Variants in RAD51B observed in about 807,000 individuals in gnomAD.
RAD51B encodes the protein DNA repair protein RAD51 homolog 2.
Under a neutral mutation model 42.2 loss-of-function variants are expected in RAD51B, and 38 were observed. The observed-to-expected ratio is 0.90, with a 90% CI of 0.70 to 1.18. The LOEUF (loss-of-function observed/expected upper bound fraction) is 1.18, where lower values mean the gene tolerates loss of function less well. Among genes scored for constraint, RAD51B ranks in the 50% most tolerant of loss-of-function variants. RAD51B has a pLI of 0.00. For missense variants in RAD51B, 373 were observed against 400.7 expected (o/e 0.93, Z 0.59); for synonymous variants, 154 against 145.2 (o/e 1.06, Z -0.43).
chr14:68,560,270 A>G (rs896280529), intron 10 of RAD51B, among the ~76,000 whole-genome samples: 1 of 152,082 alleles, frequency 6.6e-6, no homozygotes, highest in African/African-American at 2.4e-5. Flanking sequence ...GGAGAGGCGG[A>G]AAAAAAATTC....
At chr14:68,222,418 A>G (rs1267714939) in intron 7 of RAD51B, among the ~76,000 whole-genome samples, 1 of 152,208 alleles carries the variant, frequency 6.6e-6, no homozygotes, top group East Asian at 1.9e-4. Flanking sequence ...AAGTGAAGTA[A>G]CTCAGGAATG....
At chr14:68,410,443 C>T (rs1322684332) in intron 8 of RAD51B, among the ~76,000 whole-genome samples, 1 of 152,166 alleles carries the variant, frequency 6.6e-6, no homozygotes, top group African/African-American at 2.4e-5. Context: ...GTAGTCTCCT[C>T]ATAGAAAAAA....
At chr14:68,454,630 T>C (rs537323005) in intron 9 of RAD51B, among the ~76,000 whole-genome samples, 37 of 152,310 alleles carry the variant, frequency 2.4e-4, no homozygotes, top group African/African-American at 8.7e-4. Context: ...TCCCAGAGAA[T>C]TGCTATTATT....
intron 9 of RAD51B, among the ~76,000 whole-genome samples, chr14:68,431,536 C>T (rs189007914): frequency 0.051 from 7,812 of 152,174 alleles, 620 homozygotes; most frequent in African/African-American, 0.17. Context: ...AGTTTATTTG[C>T]ACAGAGGTGT....
intron 7 of RAD51B, among the ~76,000 whole-genome samples, chr14:67,929,394 A>G (rs973402400): frequency 6.6e-6 from 1 of 152,130 alleles, no homozygotes; most frequent in African/African-American, 2.4e-5. Context: ...GTATTTGTAT[A>G]GTTTTCAGAG....
chr14:68,522,109 G>A (rs542195303), intron 10 of RAD51B, among the ~76,000 whole-genome samples: 10 of 152,322 alleles, frequency 6.6e-5, no homozygotes, highest in African/African-American at 1.7e-4. Context: ...ACTCAGGGCC[G>A]TGTGAGTGGG....
At chr14:68,033,015 G>C (rs75225862) in intron 7 of RAD51B, among the ~76,000 whole-genome samples, 1 of 151,924 alleles carries the variant, frequency 6.6e-6, no homozygotes, top group Non-Finnish European at 1.5e-5. Flanking sequence ...AGTGACCTTC[G>C]CTTAGGCTAG....
intron 7 of RAD51B, among the ~76,000 whole-genome samples, chr14:67,936,076 A>G (rs1161888256): frequency 6.6e-6 from 1 of 152,224 alleles, no homozygotes; most frequent in African/African-American, 2.4e-5. Flanking sequence ...AAAAATTTTA[A>G]CAGCTTTTTG....
At chr14:68,157,124 G>T (rs1172551670) in intron 7 of RAD51B, among the ~76,000 whole-genome samples, 1 of 152,162 alleles carries the variant, frequency 6.6e-6, no homozygotes, top group Non-Finnish European at 1.5e-5. Context: ...TTGAGCCTGG[G>T]TGGTTGAGTC....
At chr14:68,651,311 T>C (rs763296073) in intron 11 of RAD51B, among the ~76,000 whole-genome samples, 4 of 152,174 alleles carry the variant, frequency 2.6e-5, no homozygotes, top group Non-Finnish European at 5.9e-5. Flanking sequence ...TAGCTGGGAC[T>C]ACAGGCGTCT....
At chr14:68,320,980 G>A (rs542709726) in intron 8 of RAD51B, among the ~76,000 whole-genome samples, 1 of 152,150 alleles carries the variant, frequency 6.6e-6, no homozygotes, top group East Asian at 1.9e-4. Flanking sequence ...CATCTCTCAT[G>A]TTTCTTTCCC....
At chr14:68,229,656 T>C (rs1269465281) in intron 7 of RAD51B, among the ~76,000 whole-genome samples, 2 of 152,206 alleles carry the variant, frequency 1.3e-5, no homozygotes, top group African/African-American at 4.8e-5. Flanking sequence ...GACTCTGGTC[T>C]CCAGGCCTAG....
chr14:68,036,172 A>G (rs2140381556), intron 7 of RAD51B, among the ~76,000 whole-genome samples: 1 of 152,288 alleles, frequency 6.6e-6, no homozygotes, highest in East Asian at 1.9e-4. Context: ...TTGTAGCCTC[A>G]CAATATTCTA....
chr14:68,273,600 C>T (rs1027499507), intron 7 of RAD51B, among the ~76,000 whole-genome samples: 1 of 152,194 alleles, frequency 6.6e-6, no homozygotes, highest in African/African-American at 2.4e-5. Context: ...CTCTACAGTG[C>T]AGATCTATCT....
At chr14:68,343,139 G>T (rs1243826337) in intron 8 of RAD51B, among the ~76,000 whole-genome samples, 2 of 151,870 alleles carry the variant, frequency 1.3e-5, no homozygotes, top group African/African-American at 4.8e-5. Context: ...CCAGTTTTGT[G>T]GTAAGCACAT....
chr14:68,391,061 T>A (rs1321060556), intron 8 of RAD51B, among the ~76,000 whole-genome samples: 1 of 152,226 alleles, frequency 6.6e-6, no homozygotes, highest in African/African-American at 2.4e-5. Flanking sequence ...ATTCAAAAGT[T>A]CAGTTTAGGA....
intron 7 of RAD51B, among the ~76,000 whole-genome samples, chr14:68,019,269 A>G (rs1027900199): frequency 6.6e-6 from 1 of 152,218 alleles, no homozygotes; most frequent in African/African-American, 2.4e-5. Context: ...GCAGTGGAGA[A>G]AAGAAGTTTC....
At chr14:68,487,853 C>A (rs1883751519) in intron 10 of RAD51B, among the ~76,000 whole-genome samples, 1 of 152,184 alleles carries the variant, frequency 6.6e-6, no homozygotes, top group African/African-American at 2.4e-5. Context: ...TACAATCTCA[C>A]TGGAGGTTAG....
At chr14:67,868,308 C>T (rs988354127) in intron 5 of RAD51B, among the ~76,000 whole-genome samples, 14 of 152,312 alleles carry the variant, frequency 9.2e-5, no homozygotes, top group African/African-American at 2.6e-4. Context: ...CTTTCCGAGT[C>T]AAAGAAAGGG....
Sources: allele counts gnomAD v4.1 joint callset (sites outside exome capture counted in the v4.1 genomes callset), GRCh38; gene constraint gnomAD v4.1.1; transcripts MANE v1.5; gene names NCBI Gene and HGNC (gene_info 2026-07-23, HGNC 2026-07-21).